The following PDE10A variants were observed in gnomAD, a reference collection of about 807,000 sequenced individuals.
PDE10A encodes phosphodiesterase 10A.
PDE10A carries 39 observed loss-of-function variants against 97.7 expected under a neutral mutation model. The observed-to-expected ratio is 0.40, with a 90% CI of 0.31 to 0.52. The LOEUF is 0.52. Among genes scored for constraint, PDE10A ranks in the 20% least tolerant of loss-of-function variants. PDE10A has a pLI of 0.56. For synonymous variants in PDE10A, 371 were observed against 376.8 expected (o/e 0.98, Z 0.18); for missense variants, 731 against 1,047.8 (o/e 0.70, Z 4.17).
upstream of PDE10A, among the ~76,000 whole-genome samples, chr6:165,663,858 C>G (rs528508690): frequency 7.2e-5 from 11 of 152,226 alleles, no homozygotes; most frequent in South Asian, 4.1e-4. Flanking sequence ...ACCCCCACCC[C>G]CTTCCGTAGC....
intron 5 of PDE10A, among the ~76,000 whole-genome samples, chr6:165,443,041 G>A (rs1442352338): frequency 6.6e-6 from 1 of 150,950 alleles, no homozygotes; most frequent in African/African-American, 2.4e-5. Flanking sequence ...GAACCCAGGA[G>A]GTGGAGGTTG....
intron 1 of PDE10A, among the ~76,000 whole-genome samples, chr6:165,619,434 G>GCAGTGTAGTC (rs1787966423): frequency 3.5e-4 from 1 of 2,852 alleles, no homozygotes; most frequent in Non-Finnish European, 7.7e-4. Context: ...GTAGTATAGT[G>GCAGTGTAGTC]TAGTGTAGTA....
chr6:165,720,985 T>G (rs2128448487), intron 1 of PDE10A, among the ~76,000 whole-genome samples: 1 of 152,304 alleles, frequency 6.6e-6, no homozygotes, highest in Non-Finnish European at 1.5e-5. Context: ...GAAAGAATGT[T>G]GAGGACGTAT....
At chr6:165,804,944 G>T (rs1457798968) in intron 1 of PDE10A, among the ~76,000 whole-genome samples, 1 of 150,408 alleles carries the variant, frequency 6.6e-6, no homozygotes, top group Non-Finnish European at 1.5e-5. Flanking sequence ...GGGACGTGGG[G>T]AGCATGGAGA....
At chr6:165,660,446 C>T (rs1036073753) in intron 1 of PDE10A, 16 of 152,384 alleles carry the variant, frequency 1.0e-4, no homozygotes, top group African/African-American at 3.6e-4. Context: ...AGCAGCGACT[C>T]GCTAGCCGGA....
chr6:165,720,346 A>C (rs1792134592), intron 1 of PDE10A, among the ~76,000 whole-genome samples: 2 of 152,118 alleles, frequency 1.3e-5, no homozygotes, highest in Non-Finnish European at 2.9e-5. Flanking sequence ...TAGTTTATAA[A>C]AGCCCCGATG....
upstream of PDE10A, among the ~76,000 whole-genome samples, chr6:165,665,383 C>G (rs534428328): frequency 3.9e-5 from 6 of 152,282 alleles, no homozygotes; most frequent in South Asian, 1.2e-3. Flanking sequence ...CTTTCCTTCC[C>G]TTTGAGTTTC....
At chr6:165,739,393 A>T (rs562521582) in intron 1 of PDE10A, among the ~76,000 whole-genome samples, 1 of 152,334 alleles carries the variant, frequency 6.6e-6, no homozygotes, top group South Asian at 2.1e-4. Context: ...GGGAGAACGG[A>T]CAGTGTCTTC....
At chr6:165,580,061 T>C (rs1186417972) in intron 1 of PDE10A, among the ~76,000 whole-genome samples, 1 of 152,216 alleles carries the variant, frequency 6.6e-6, no homozygotes, top group Non-Finnish European at 1.5e-5. Context: ...TTATTTGCTG[T>C]CCATTTATTT....
intron 1 of PDE10A, among the ~76,000 whole-genome samples, chr6:165,839,921 C>CTCCAT (rs1562762632): frequency 3.9e-4 from 59 of 151,970 alleles, no homozygotes; most frequent in East Asian, 7.7e-4. Context: ...CCATCCCCAA[C>CTCCAT]CTCATCTCCA....
intron 18 of PDE10A, among the ~76,000 whole-genome samples, chr6:165,352,098 C>T (rs1040793607): frequency 2.0e-5 from 3 of 152,218 alleles, no homozygotes; most frequent in Non-Finnish European, 4.4e-5. Flanking sequence ...AAGTCATCCA[C>T]CCACCTTGGC....
At chr6:165,735,606 G>A (rs1057279079) in intron 1 of PDE10A, among the ~76,000 whole-genome samples, 1 of 152,118 alleles carries the variant, frequency 6.6e-6, no homozygotes, top group East Asian at 1.9e-4. Flanking sequence ...TGTAGAACCA[G>A]GAAAAGCCAA....
intron 19 of PDE10A, among the ~76,000 whole-genome samples, chr6:165,341,860 G>C (rs551112891): frequency 6.6e-6 from 1 of 152,284 alleles, no homozygotes; most frequent in South Asian, 2.1e-4. Flanking sequence ...TTACTGGAGA[G>C]ACGAATAGCT....
chr6:165,427,154 G>A (rs982526709), intron 10 of PDE10A, among the ~76,000 whole-genome samples: 10 of 152,054 alleles, frequency 6.6e-5, no homozygotes, highest in East Asian at 3.9e-4. Context: ...AAACAAAAAC[G>A]TGTAGAGGCA....
chr6:165,759,015 G>A (rs1562721984), intron 1 of PDE10A, among the ~76,000 whole-genome samples: 1 of 152,200 alleles, frequency 6.6e-6, no homozygotes, highest in Non-Finnish European at 1.5e-5. Flanking sequence ...AGGCCACACT[G>A]TCAGCCAAAT....
chr6:165,656,114 C>T (rs1022547497), intron 1 of PDE10A, among the ~76,000 whole-genome samples: 1 of 151,952 alleles, frequency 6.6e-6, no homozygotes, highest in Non-Finnish European at 1.5e-5. Flanking sequence ...GGGCACCATA[C>T]AAGCAGAGAC....
intron 1 of PDE10A, among the ~76,000 whole-genome samples, chr6:165,827,451 A>G (rs1475436295): frequency 6.6e-6 from 1 of 152,202 alleles, no homozygotes; most frequent in Non-Finnish European, 1.5e-5. Context: ...CCAATTCAAC[A>G]AAACGAACCG....
At chr6:165,858,315 T>G (rs1349924936) in intron 1 of PDE10A, among the ~76,000 whole-genome samples, 1 of 152,154 alleles carries the variant, frequency 6.6e-6, no homozygotes, top group East Asian at 1.9e-4. Context: ...CCTTGTGCTG[T>G]TTTGAGGGAG....
intron 18 of PDE10A, among the ~76,000 whole-genome samples, chr6:165,360,501 T>C (rs1409497412): frequency 1.3e-5 from 2 of 152,156 alleles, no homozygotes; most frequent in Non-Finnish European, 2.9e-5. Flanking sequence ...TACCATCCAA[T>C]GTCAGTTGCC....
Sources: allele counts gnomAD v4.1 joint callset (sites outside exome capture counted in the v4.1 genomes callset), GRCh38; gene constraint gnomAD v4.1.1; transcripts MANE v1.5; gene names NCBI Gene and HGNC (gene_info 2026-07-23, HGNC 2026-07-21).